The following ZNF772 variants were observed in gnomAD, a reference collection of about 807,000 sequenced individuals.
The protein encoded by ZNF772 is zinc finger protein 772.
A neutral mutation model predicts 11.0 loss-of-function variants in ZNF772; 8 were observed. The observed-to-expected ratio is 0.73, with a 90% CI of 0.43 to 1.31. The LOEUF (loss-of-function observed/expected upper bound fraction) is 1.31, where lower values mean the gene tolerates loss of function less well. Among genes scored for constraint, ZNF772 ranks in the 50% most tolerant of loss-of-function variants. The pLI, the probability that ZNF772 is intolerant of heterozygous loss-of-function variation, is 0.01. For synonymous variants in ZNF772, 155 were observed against 180.4 expected (o/e 0.86, Z 1.13); for missense variants, 496 against 552.3 (o/e 0.90, Z 1.02).
In ZNF772 at chr19:57,475,155, A is replaced by C. The variant is rs2089268100; in HGVS notation, c.199+505T>G. On this transcript the variant is annotated intron_variant, in intron 3 of 3. Transcript: ENST00000356584. The surrounding 1 kb of genome is among the most constrained non-coding windows in gnomAD (Gnocchi z 4.2). ...CATGAAAGATGTATGTCCTAAGGGAAAGATAGAACAGCACTGGTCTGGGTA... is the reference window on the plus strand; with the variant it reads ...CATGAAAGATGTATGTCCTAAGGGACAGATAGAACAGCACTGGTCTGGGTA... 1 of 1,614,038 alleles carries C rather than the reference A, an allele frequency of 6.2e-7. No homozygotes were observed. The highest frequency in any genetic ancestry group is 1.3e-5 in the African/African-American group (1 of 74,926).
Position 57,476,555 on chromosome 19 carries a change from G to A in ZNF772, c.72+79C>T, listed in dbSNP as rs775380178. On this transcript the variant is annotated intron_variant, in intron 2 of 3. Transcript: ENST00000356584. ...AGAGATCGGAGAGTAGCAGGAGAGTGTTCTATATAACACCACAATGCTGGA... is the reference window on the plus strand; with the variant it reads ...AGAGATCGGAGAGTAGCAGGAGAGTATTCTATATAACACCACAATGCTGGA... 89 of 1,522,840 alleles carry A rather than the reference G, an allele frequency of 5.8e-5. 1 individual carries two copies. The African/African-American group carries it at 1.1e-3, about 19-fold the overall frequency. 94.3% of individuals were successfully genotyped at this position (1,522,840 alleles called of 1,614,324 possible).
chr19:57,474,925 G>T, intron 3 of ZNF772: 1 of 1,539,394 alleles, frequency 6.5e-7, no homozygotes, highest in Non-Finnish European at 8.8e-7. Flanking sequence ...AGTATGAAAG[G>T]CCAGTGGCCT....
In ZNF772 at chr19:57,475,132, T is replaced by C; in HGVS notation, c.199+528A>G. On this transcript the variant is annotated intron_variant, in intron 3 of 3. Transcript: ENST00000356584. This position sits in a 1 kb window ranked among gnomAD's most constrained non-coding sequence, Gnocchi z 4.2. ...ACCAGTGAGGCAACTATGTGGGACA[T>C]GAAAGATGTATGTCCTAAGGGAAAG... The C allele has an allele frequency of 6.2e-7, 1 of 1,614,116 alleles. No homozygotes were observed. The highest frequency in any genetic ancestry group is 8.5e-7 in the Non-Finnish European group (1 of 1,179,984).
Position 57,474,389 on chromosome 19 carries a change from G to T in ZNF772, c.232C>A (p.Pro78Thr). Residue 78 changes from proline (P) to threonine (T), a missense_variant, in exon 4 of 4, where the codon CCT (proline) becomes ACT (threonine). Pro to Thr is a conservative substitution (Grantham distance 38). Coordinates refer to ENST00000356584, the MANE Select transcript of ZNF772 (RefSeq NM_001144068.2). The part of the protein sequence containing the change: ...CWHGMEDEEI[P>T]FEQSFSIGMS... ...CCTATAGAAAAGCTCTGCTCAAAAGGTATCTCTTCATCCTCCATTCCATGC... is the reference window on the plus strand; with the variant it reads ...CCTATAGAAAAGCTCTGCTCAAAAGTTATCTCTTCATCCTCCATTCCATGC... 1 of 1,609,200 alleles carries T rather than the reference G, an allele frequency of 6.2e-7. No homozygotes were observed. Among genetic ancestry groups the T allele is most frequent in the Non-Finnish European group, 8.5e-7 (1 of 1,179,616 alleles).
In ZNF772 at chr19:57,476,697, G is replaced by A. The variant is rs191198347; in HGVS notation, c.34-25C>T. 9.6e-6 allele frequency: 15 copies of A among 1,566,364 alleles called. No homozygotes were observed. The East Asian group carries it at 1.8e-4, about 19-fold the overall frequency. On this transcript the variant is annotated intron_variant, in intron 1 of 3. Coordinates refer to ENST00000356584, the MANE Select transcript of ZNF772 (RefSeq NM_001144068.2). ...CCTGTGGGGAAGAGGGAGACTATGC[G>A]AGTCAAGCAATCTTGAAGGAACCCC...
rs1367070202 is a variant in ZNF772, at chr19:57,475,542, G to A, written c.199+118C>T. 9 of 1,511,582 alleles carry A rather than the reference G, an allele frequency of 6.0e-6. No homozygotes were observed. The highest frequency in any genetic ancestry group is 8.3e-6 in the Non-Finnish European group (9 of 1,089,892). The allele number at this position is 1,511,582 out of a possible 1,614,324, so 93.6% of individuals were successfully genotyped here. A position where few individuals can be genotyped will look rare whatever the true frequency, so the allele number is the denominator to read the frequency against. ...CCCAGCACTCACAGAACCTACTCCA[G>A]GCACTAAGAAATGAGACAGTGTCCA... On this transcript the variant is annotated intron_variant, in intron 3 of 3. Coordinates refer to ENST00000356584, the MANE Select transcript of ZNF772 (RefSeq NM_001144068.2). This position sits in a 1 kb window ranked among gnomAD's most constrained non-coding sequence, Gnocchi z 4.2.
rs2089296449 is a variant in ZNF772, at chr19:57,477,335, G to A, written c.-26C>T. ...CAGGCCTGTGGACTACGGAAGGGTG[G>A]CGACAAGTGCAGGAACCTGGGATCA... On this transcript the variant is annotated 5_prime_UTR_variant, in exon 1 of 4. Transcript: ENST00000356584. The A allele has an allele frequency of 6.2e-7, 1 of 1,613,130 alleles. No homozygotes were observed. Among genetic ancestry groups the A allele is most frequent in the Non-Finnish European group, 8.5e-7 (1 of 1,179,624 alleles).
chr19:57,475,828 C>T lies in ZNF772; in HGVS notation c.73-42G>A. On this transcript the variant is annotated intron_variant, in intron 2 of 3. Coordinates refer to ENST00000356584, the MANE Select transcript of ZNF772 (RefSeq NM_001144068.2). The surrounding 1 kb of genome is among the most constrained non-coding windows in gnomAD (Gnocchi z 4.2). The stretch of plus-strand genomic sequence containing the variant: ...AGCCAAGTCCATGAGCAGCATCTCT[C>T]CCAAGAACCCCCATCCGTGCCCCCA... 6.4e-7 allele frequency: 1 copy of T among 1,560,612 alleles called. No individual in the cohort carries two copies. The highest frequency in any genetic ancestry group is 8.7e-7 in the Non-Finnish European group (1 of 1,153,828).
intron 1 of ZNF772, 47 bp from the exon 2 acceptor site, chr19:57,476,719 C>T (rs781319969): frequency 6.6e-7 from 1 of 1,516,344 alleles, no homozygotes. Flanking sequence ...CTTGAAGGAA[C>T]CCCAAAGGCT....
At position 57,473,490 on chromosome 19, in the gene ZNF772, G is replaced by A. The variant is rs200138402; in HGVS notation, c.1131C>T (p.Ser377=). 3.1e-6 allele frequency: 5 copies of A among 1,614,170 alleles called. No homozygotes were observed. Among genetic ancestry groups the A allele is most frequent in the East Asian group, 2.2e-5 (1 of 44,884 alleles). The change falls in exon 4 of 4, where the codon AGC becomes AGT. Residue 377 remains serine, a synonymous_variant. Transcript: ENST00000356584. ...CTCTTTGATGTGCAATAAGGTCAGAGCTTTGGCTAAAGAACTTCCCACATG... is the reference window on the plus strand; with the variant it reads ...CTCTTTGATGTGCAATAAGGTCAGAACTTTGGCTAAAGAACTTCCCACATG... ...CIACGKFFSQ[S]SDLIAHQRVH...
intron 3 of ZNF772, chr19:57,474,949 ACTGTAGGCACAAAGAGG>A (rs2089265141): frequency 1.2e-6 from 2 of 1,600,518 alleles, no homozygotes; most frequent in Non-Finnish European, 1.7e-6. Context: ...CACTAATACA[ACTGTAGGCACAAAGAGG>A]CTATGGAATG....
Position 57,472,082 on chromosome 19 carries a change from G to GA in ZNF772, c.*1191_*1192insT. ...AGTAACCTTAGCCATAAGAGACACAGGTATGGAAATATTTCTGTAAACCCT... is the reference window on the plus strand; with the variant it reads ...AGTAACCTTAGCCATAAGAGACACAGAGTATGGAAATATTTCTGTAAACCCT... On this transcript the variant is annotated 3_prime_UTR_variant, in exon 4 of 4. Coordinates refer to ENST00000356584, the MANE Select transcript of ZNF772 (RefSeq NM_001144068.2). 2.2e-6 allele frequency: 1 copy of GA among 455,708 alleles called. No homozygotes were observed. Among genetic ancestry groups the GA allele is most frequent in the South Asian group, 1.6e-5 (1 of 64,396 alleles). The allele number at this position is 455,708 out of a possible 1,614,324, so 28.2% of individuals were successfully genotyped here.
chr19:57,473,335 G>A lies in ZNF772; in HGVS notation c.1286C>T (p.Ala429Val), dbSNP rs764335716. 6.2e-7 allele frequency: 1 copy of A among 1,614,134 alleles called. No individual in the cohort carries two copies. Among genetic ancestry groups the A allele is most frequent in the East Asian group, 2.2e-5 (1 of 44,874 alleles). The change falls in exon 4 of 4, where the codon GCC (alanine) becomes GTC (valine). Residue 429 changes from alanine to valine, a missense_variant. By Grantham distance (64) the Ala-to-Val change is moderately conservative. Coordinates refer to ENST00000356584, the MANE Select transcript of ZNF772 (RefSeq NM_001144068.2). ...GATGAGGGAAGCCCTCTGCCTGAAG[G>A]CCTTCCCACATTCACTGCACTTATA... Reference protein sequence around the residue: ...RPYKCSECGKAFRQRASLIRH... With the variant: ...RPYKCSECGKVFRQRASLIRH...
rs2089248377 is a variant in ZNF772 at position 57,473,858 on chromosome 19, A to G, written c.763T>C (p.Cys255Arg). 3 of 1,614,062 alleles carry G rather than the reference A, an allele frequency of 1.9e-6. No homozygotes were observed. Among genetic ancestry groups the G allele is most frequent in the South Asian group, 1.1e-5 (1 of 91,084 alleles). The change falls in exon 4 of 4, where the codon TGC (cysteine) becomes CGC (arginine). Residue 255 changes from cysteine to arginine, a missense_variant. By Grantham distance (180) the Cys-to-Arg change is radical. Coordinates refer to ENST00000356584, the MANE Select transcript of ZNF772 (RefSeq NM_001144068.2). ...RVHTGERPYE[C>R]GECGKTFSRK... ...CTAAAGGTTTTCCCACATTCACCGC[A>G]CTCATAAGGCCTTTCTCCAGTGTGG... is the stretch of plus-strand genomic sequence containing the variant.
Position 57,477,292 on chromosome 19 carries a change from C to T in ZNF772, c.18G>A (p.Pro6=), listed in dbSNP as rs775866183. Residue 6 remains proline, a synonymous_variant, in exon 1 of 4, where the codon CCG becomes CCA. Transcript: ENST00000356584. The part of the protein sequence containing the change: MAAAE[P]MGPAQVPMNS... ...CAGCACCCACCTGTGCCGGGCCCAT[C>T]GGCTCAGCCGCCGCCATCAGGCCTG... 2.5e-6 allele frequency: 4 copies of T among 1,597,306 alleles called. No homozygotes were observed. The South Asian group carries it at 4.4e-5, about 18-fold the overall frequency.
chr19:57,477,012 A>G (rs2089292313), intron 1 of ZNF772, among the ~76,000 whole-genome samples: 1 of 152,228 alleles, frequency 6.6e-6, no homozygotes, highest in Non-Finnish European at 1.5e-5. Flanking sequence ...GCAATCACTT[A>G]TAAAGCGCTC....
chr19:57,477,243 G>A (rs747901325), intron 1 of ZNF772, 34 bp downstream of exon 1: 7 of 1,612,782 alleles, frequency 4.3e-6, no homozygotes. Flanking sequence ...CAGAGATGGG[G>A]GTCAGCGCGC....
At position 57,476,622 on chromosome 19, in the gene ZNF772, T is replaced by C; in HGVS notation, c.72+12A>G. 6.2e-7 allele frequency: 1 copy of C among 1,613,592 alleles called. No individual in the cohort carries two copies. Among genetic ancestry groups the C allele is most frequent in the Non-Finnish European group, 8.5e-7 (1 of 1,179,634 alleles). Reference sequence around the variant, plus strand: ...GGTGGGATCGGTGAGAGCATGGACATTCTCCCCTCACCTGTATAGGGTCCA... The same window carrying C: ...GGTGGGATCGGTGAGAGCATGGACACTCTCCCCTCACCTGTATAGGGTCCA... On this transcript the variant is annotated intron_variant, in intron 2 of 3. Transcript: ENST00000356584.
Position 57,473,526 on chromosome 19 carries a change from A to C in ZNF772, c.1095T>G (p.Tyr365Ter). 6.2e-7 allele frequency: 1 copy of C among 1,613,980 alleles called. No homozygotes were observed. Among genetic ancestry groups the C allele is most frequent in the East Asian group, 2.2e-5 (1 of 44,876 alleles). The change falls in exon 4 of 4, where the codon TAT becomes TAG. Residue 365 changes from tyrosine (Y) to a stop codon, truncating the protein, a stop_gained. Coordinates refer to ENST00000356584, the MANE Select transcript of ZNF772 (RefSeq NM_001144068.2). LOFTEE classifies it low-confidence loss of function (END_TRUNC). ...AGAACTTCCCACATGCGATGCACTC[A>C]TAAGGCCTTGCTCCAGTATGAACAC... ...HWSVHTGARP[Y>*]ECIACGKFFS...
Sources: allele counts gnomAD v4.1 joint callset (sites outside exome capture counted in the v4.1 genomes callset), GRCh38; gene constraint gnomAD v4.1.1; non-coding constraint Gnocchi (gnomAD v3.1); transcripts MANE v1.5; gene names NCBI Gene and HGNC (gene_info 2026-07-23, HGNC 2026-07-21).